The following WWC2 variants were observed in gnomAD, a reference collection of about 807,000 sequenced individuals.
WWC2 encodes WW and C2 domain containing 2, also known as protein WWC2.
A neutral mutation model predicts 138.5 loss-of-function variants in WWC2; 101 were observed. The observed-to-expected ratio is 0.73, with a 90% CI of 0.62 to 0.86. WWC2 has a LOEUF of 0.86. Among genes scored for constraint, WWC2 ranks in the 40% least tolerant of loss-of-function variants. The probability of loss-of-function intolerance (pLI) is 0.00; values close to 1 mark genes in which losing one functional copy is unlikely to be tolerated. For missense variants in WWC2, 1,420 were observed against 1,419.4 expected, an observed-to-expected ratio of 1.00 and a Z score of -0.01; for synonymous variants, 558 against 538.4, an observed-to-expected ratio of 1.04 and a Z score of -0.50.
In WWC2 at chr4:183,320,238, T is replaced by C; in HGVS notation, c.*4509T>C. ...AGCCATTATAATGTCCTGAGAGCTT[T>C]AGCCAAACTAACTCCTGCCCTTCGG... On this transcript the variant is annotated 3_prime_UTR_variant, in exon 23 of 23. Transcript: ENST00000403733. 1 of 1,593,884 alleles carries C rather than the reference T, an allele frequency of 6.3e-7. No homozygotes were observed. Among genetic ancestry groups the C allele is most frequent in the Non-Finnish European group, 8.5e-7 (1 of 1,170,148 alleles).
At chr4:183,260,425 G>A (rs931579261) in intron 10 of WWC2, among the ~76,000 whole-genome samples, 14 of 152,200 alleles carry the variant, frequency 9.2e-5, no homozygotes, top group Admixed American at 5.2e-4. Flanking sequence ...ATACAGTTAG[G>A]TGCCACATGA....
intron 16 of WWC2, among the ~76,000 whole-genome samples, chr4:183,273,240 G>C (rs1737750810): frequency 8.8e-6 from 1 of 113,764 alleles, no homozygotes; most frequent in Non-Finnish European, 2.0e-5. Context: ...TCTTTTTTTT[G>C]AGAAATGTCT....
intron 11 of WWC2, among the ~76,000 whole-genome samples, chr4:183,263,342 C>T (rs775167814): frequency 1.2e-4 from 19 of 152,284 alleles, no homozygotes; most frequent in Non-Finnish European, 2.1e-4. Flanking sequence ...CTGTCACCCA[C>T]CCAGTAACCC....
At chr4:183,117,675 G>A (rs1732458196) in intron 1 of WWC2, among the ~76,000 whole-genome samples, 2 of 145,608 alleles carry the variant, frequency 1.4e-5, no homozygotes, top group Non-Finnish European at 3.0e-5. Context: ...TCCCTGTGTT[G>A]CCCAGGCTGG....
intron 1 of WWC2, among the ~76,000 whole-genome samples, chr4:183,170,059 G>A (rs1004085458): frequency 6.6e-6 from 1 of 152,196 alleles, no homozygotes; most frequent in African/African-American, 2.4e-5. Flanking sequence ...TTGAAGGATA[G>A]TTGGTTTGTT....
chr4:183,279,486 C>A (rs1251428122), intron 16 of WWC2, among the ~76,000 whole-genome samples: 1 of 152,102 alleles, frequency 6.6e-6, no homozygotes, highest in Non-Finnish European at 1.5e-5. Context: ...TGATGCTGGC[C>A]TCATCAAATG....
chr4:183,245,579 C>G, intron 6 of WWC2, 34 bp downstream of exon 6: 1 of 1,533,664 alleles, frequency 6.5e-7, no homozygotes. Context: ...AGCCAAACTT[C>G]TACCTTCTGA....
chr4:183,254,044 G>C lies in WWC2; in HGVS notation c.1196+45G>C, dbSNP rs17074534. 8,458 of 1,595,082 alleles carry C rather than the reference G, an allele frequency of 5.3e-3. 356 individuals carry two copies. In the African/African-American group the frequency reaches 0.095, roughly 18 times the overall value. Reference sequence around the variant, plus strand: ...ATAGGGCAGCTTAACTCTTGTGGGGGTGTCTTAACTGGATACTATTTTCCC... The same window carrying C: ...ATAGGGCAGCTTAACTCTTGTGGGGCTGTCTTAACTGGATACTATTTTCCC... On this transcript the variant is annotated intron_variant, in intron 9 of 22. Coordinates refer to ENST00000403733, the MANE Select transcript of WWC2 (RefSeq NM_024949.6).
At chr4:183,180,638 T>C (rs1192952869) in intron 1 of WWC2, among the ~76,000 whole-genome samples, 1 of 152,176 alleles carries the variant, frequency 6.6e-6, no homozygotes, top group Non-Finnish European at 1.5e-5. Flanking sequence ...AGTGAAATAC[T>C]ATTCAGCAAT....
chr4:183,173,172 G>C (rs998115786), intron 1 of WWC2, among the ~76,000 whole-genome samples: 1 of 151,996 alleles, frequency 6.6e-6, no homozygotes, highest in Non-Finnish European at 1.5e-5. Flanking sequence ...ATCCTCCTGA[G>C]TAGCTGGGAC....
At chr4:183,266,048 C>T (rs763007744) in intron 14 of WWC2, 97 bp downstream of exon 14, 43 of 1,179,562 alleles carry the variant, frequency 3.6e-5, no homozygotes, top group South Asian at 4.2e-5. Flanking sequence ...AATGAAGATA[C>T]GGAAAAGACA....
chr4:183,250,065 G>A lies in WWC2; in HGVS notation c.953+72G>A, dbSNP rs137966660. On this transcript the variant is annotated intron_variant, in intron 8 of 22. Coordinates refer to ENST00000403733, the MANE Select transcript of WWC2 (RefSeq NM_024949.6). ...TCCAGAATTAATCTTTACTCCTGTG[G>A]TGACATCTGCTGGGCACTCCCCATA... The A allele has an allele frequency of 3.6e-3, 5,008 of 1,400,802 alleles. 20 individuals are homozygous for A. Among genetic ancestry groups the A allele is most frequent in the Non-Finnish European group, 4.3e-3 (4,264 of 999,988 alleles). 86.8% of individuals were successfully genotyped at this position (1,400,802 alleles called of 1,614,324 possible).
At chr4:183,153,803 G>A (rs558523214) in intron 1 of WWC2, among the ~76,000 whole-genome samples, 73 of 151,300 alleles carry the variant, frequency 4.8e-4, no homozygotes, top group African/African-American at 1.7e-3. Context: ...GTGCCATCAC[G>A]CCCAGCTAAT....
In WWC2 at chr4:183,284,269, T is replaced by A. The variant is rs1415553628; in HGVS notation, c.2927T>A (p.Met976Lys). Residue 976 changes from methionine to lysine, a missense_variant, in exon 19 of 23, where the codon ATG (methionine) becomes AAG (lysine). Physicochemically the swap from Met to Lys is moderately conservative, Grantham distance 95 (BLOSUM62 -1). Transcript: ENST00000403733. ...TNTDEAANDNMAVRPKERSSL... is the reference protein window; with the variant it reads ...TNTDEAANDNKAVRPKERSSL... ...ACTGATGAAGCCGCTAATGACAATA[T>A]GGCAGTTCGCCCCAAAGAGCGCAGC... is the stretch of plus-strand genomic sequence containing the variant. 6.2e-7 allele frequency: 1 copy of A among 1,614,026 alleles called. No homozygotes were observed. The highest frequency in any genetic ancestry group is 8.5e-7 in the Non-Finnish European group (1 of 1,179,878).
At chr4:183,247,032 TA>T (rs1736801325) in intron 6 of WWC2, among the ~76,000 whole-genome samples, 1 of 152,218 alleles carries the variant, frequency 6.6e-6, no homozygotes, top group South Asian at 2.1e-4. Context: ...TTACATTAAT[TA>T]GTAGATGCAG....
chr4:183,229,328 A>G lies in WWC2; in HGVS notation c.523-10855A>G, dbSNP rs905942297. ...GCTAAAATTAGTGAGTAAAACTTTGAAAAAGAGGATATTTGCATTGCTTCA... is the reference window on the plus strand; with the variant it reads ...GCTAAAATTAGTGAGTAAAACTTTGGAAAAGAGGATATTTGCATTGCTTCA... On this transcript the variant is annotated intron_variant, in intron 4 of 22. Coordinates refer to ENST00000403733, the MANE Select transcript of WWC2 (RefSeq NM_024949.6). Among the ~76,000 whole-genome samples, 28 of 152,104 alleles carry G rather than the reference A, an allele frequency of 1.8e-4. 1 individual carries two copies. Among genetic ancestry groups the G allele is most frequent in the African/African-American group, 6.8e-4 (28 of 41,336 alleles).
intron 1 of WWC2, among the ~76,000 whole-genome samples, chr4:183,182,941 C>G (rs182546841): frequency 3.9e-5 from 6 of 152,256 alleles, no homozygotes; most frequent in Non-Finnish European, 8.8e-5. Context: ...TTCTGCCTTC[C>G]TTCCTACTCT....
At chr4:183,263,868 C>G (rs1342413663) in intron 11 of WWC2, among the ~76,000 whole-genome samples, 2 of 152,188 alleles carry the variant, frequency 1.3e-5, no homozygotes, top group African/African-American at 4.8e-5. Flanking sequence ...TGTCATCTCC[C>G]TCAGTGCTCT....
intron 1 of WWC2, among the ~76,000 whole-genome samples, chr4:183,100,671 C>G (rs1433733362): frequency 6.6e-6 from 1 of 152,310 alleles, no homozygotes; most frequent in Non-Finnish European, 1.5e-5. Flanking sequence ...CAATTTGAAG[C>G]TGAAATACCT....
Sources: gnomAD v4.1 joint callset for allele counts (sites outside exome capture counted in the v4.1 genomes callset) on GRCh38, gnomAD v4.1.1 for gene constraint, MANE v1.5 for transcripts, NCBI Gene and HGNC (gene_info 2026-07-23, HGNC 2026-07-21) for gene names.